Variants in TMEM117 observed in about 807,000 individuals in gnomAD.
TMEM117 encodes the protein transmembrane protein 117.
Under a neutral mutation model 52.4 loss-of-function variants are expected in TMEM117, and 27 were observed. The observed-to-expected ratio is 0.51, with a 90% CI of 0.38 to 0.71. TMEM117 has a LOEUF of 0.71. Ranked by LOEUF, TMEM117 falls within the 30% of genes least tolerant of loss-of-function variation. The pLI is 0.00. For synonymous variants in TMEM117, 215 were observed against 206.3 expected (o/e 1.04, Z -0.36); for missense variants, 556 against 630.5 (o/e 0.88, Z 1.26).
intron 3 of TMEM117, among the ~76,000 whole-genome samples, chr12:44,135,651 A>G (rs986681770): frequency 4.6e-5 from 7 of 152,126 alleles, no homozygotes; most frequent in Admixed American, 1.3e-4. Flanking sequence ...AGGGAAGAAG[A>G]AGGAGGAGGA....
chr12:44,034,524 G>T (rs1946682009), intron 3 of TMEM117, among the ~76,000 whole-genome samples: 1 of 152,206 alleles, frequency 6.6e-6, no homozygotes, highest in Non-Finnish European at 1.5e-5. Flanking sequence ...TACTCCTAAA[G>T]TCATGTTAGA....
intron 7 of TMEM117, among the ~76,000 whole-genome samples, chr12:44,379,474 A>C (rs1177060344): frequency 6.6e-6 from 1 of 152,178 alleles, no homozygotes; most frequent in Non-Finnish European, 1.5e-5. Context: ...TAGCCATGAT[A>C]AAAATAACTG....
At chr12:44,072,909 G>C (rs896247718) in intron 3 of TMEM117, among the ~76,000 whole-genome samples, 2 of 152,128 alleles carry the variant, frequency 1.3e-5, no homozygotes, top group Non-Finnish European at 2.9e-5. Context: ...GGCCAACATG[G>C]TGAAACCCCA....
chr12:44,174,998 T>C (rs535147684), intron 4 of TMEM117, among the ~76,000 whole-genome samples: 1 of 152,154 alleles, frequency 6.6e-6, no homozygotes, highest in Non-Finnish European at 1.5e-5. Context: ...GACCTTGAAA[T>C]TGTACAATTC....
At chr12:44,117,447 C>T (rs574561850) in intron 3 of TMEM117, among the ~76,000 whole-genome samples, 13 of 152,052 alleles carry the variant, frequency 8.5e-5, no homozygotes, top group Non-Finnish European at 1.6e-4. Context: ...ATGTGTTGAT[C>T]GAATCAGTTG....
chr12:44,306,619 T>C lies in TMEM117; in HGVS notation c.768+6880T>C, dbSNP rs1180207103. Among the ~76,000 whole-genome samples, 3 of 152,226 alleles carry C rather than the reference T, an allele frequency of 2.0e-5. No individual in the cohort carries two copies. The East Asian group carries it at 5.8e-4, about 29-fold the overall frequency. On this transcript the variant is annotated intron_variant, in intron 6 of 7. Coordinates refer to ENST00000266534, the MANE Select transcript of TMEM117 (RefSeq NM_032256.3). The stretch of plus-strand genomic sequence containing the variant: ...ATACCTCCTATAATGTGTAAGCTCC[T>C]TGAGGAGAGGAAGTGTTTTATCAAT...
At chr12:43,949,103 G>A (rs1051808329) in intron 3 of TMEM117, among the ~76,000 whole-genome samples, 1 of 152,206 alleles carries the variant, frequency 6.6e-6, no homozygotes, top group Admixed American at 6.5e-5. Flanking sequence ...CATCGGATCT[G>A]CAGCAAACTG....
intron 3 of TMEM117, among the ~76,000 whole-genome samples, chr12:44,047,140 T>C (rs182031605): frequency 2.6e-5 from 4 of 152,284 alleles, no homozygotes; most frequent in Non-Finnish European, 5.9e-5. Context: ...TGTGTATATA[T>C]ATATAGTTCT....
intron 4 of TMEM117, among the ~76,000 whole-genome samples, chr12:44,205,404 C>T (rs924771783): frequency 9.9e-5 from 15 of 152,144 alleles, no homozygotes; most frequent in African/African-American, 2.9e-4. Context: ...GTCCATTAAA[C>T]CTCTTCCTTT....
intron 7 of TMEM117, among the ~76,000 whole-genome samples, chr12:44,384,335 T>C (rs1315110224): frequency 6.6e-6 from 1 of 152,074 alleles, no homozygotes; most frequent in East Asian, 1.9e-4. Flanking sequence ...AGAAGGACAC[T>C]GCTGCATGCG....
intron 2 of TMEM117, among the ~76,000 whole-genome samples, chr12:43,857,834 A>G (rs907684659): frequency 2.0e-5 from 3 of 152,196 alleles, no homozygotes; most frequent in African/African-American, 7.2e-5. Flanking sequence ...GGTGTGATGA[A>G]CTAACAAGGA....
At chr12:44,008,035 C>G (rs1271720806) in intron 3 of TMEM117, among the ~76,000 whole-genome samples, 1 of 152,144 alleles carries the variant, frequency 6.6e-6, no homozygotes, top group Non-Finnish European at 1.5e-5. Context: ...TTAGGCCCTG[C>G]AGCAGTATGG....
At chr12:44,251,413 C>G (rs571793213) in intron 5 of TMEM117, among the ~76,000 whole-genome samples, 26 of 152,184 alleles carry the variant, frequency 1.7e-4, no homozygotes, top group African/African-American at 6.3e-4. Flanking sequence ...CTAAGGCCAT[C>G]GGTTGGATGC....
At chr12:44,197,305 A>G (rs1592598348) in intron 4 of TMEM117, among the ~76,000 whole-genome samples, 1 of 152,098 alleles carries the variant, frequency 6.6e-6, no homozygotes, top group Non-Finnish European at 1.5e-5. Flanking sequence ...CCATCCCTGT[A>G]TACATTTTCA....
intron 7 of TMEM117, 132 bp downstream of exon 7, chr12:44,376,856 C>T (rs1003924924): frequency 7.2e-5 from 72 of 996,172 alleles, no homozygotes; most frequent in Middle Eastern, 6.7e-4. Flanking sequence ...CTTAACAGTG[C>T]AAGGTGGTTT....
intron 2 of TMEM117, among the ~76,000 whole-genome samples, chr12:43,929,691 C>G (rs1592371410): frequency 6.6e-6 from 1 of 152,164 alleles, no homozygotes; most frequent in East Asian, 1.9e-4. Flanking sequence ...CACACAATCA[C>G]TGTTTATTTG....
the TMEM117 span, among the ~76,000 whole-genome samples, chr12:43,813,269 C>T: frequency 4.9e-5 from 5 of 101,888 alleles, no homozygotes; most frequent in East Asian, 2.9e-4. Flanking sequence ...TCTGAGACAG[C>T]GTCTTGCTCT....
intron 4 of TMEM117, among the ~76,000 whole-genome samples, chr12:44,189,758 A>G (rs1949326870): frequency 6.6e-6 from 1 of 152,218 alleles, no homozygotes; most frequent in South Asian, 2.1e-4. Flanking sequence ...GTCCTGTAAA[A>G]TCAACTTTTC....
chr12:44,321,225 A>G (rs1951125181), intron 6 of TMEM117, among the ~76,000 whole-genome samples: 2 of 152,322 alleles, frequency 1.3e-5, no homozygotes, highest in South Asian at 4.1e-4. Context: ...CACTTTTCAT[A>G]GTATTTTACA....
Sources: gnomAD v4.1 joint callset for allele counts (sites outside exome capture counted in the v4.1 genomes callset) on GRCh38, gnomAD v4.1.1 for gene constraint, MANE v1.5 for transcripts, NCBI Gene and HGNC (gene_info 2026-07-23, HGNC 2026-07-21) for gene names.